Variants in FERRY3 observed in about 807,000 individuals in gnomAD.
FERRY3 encodes the protein FERRY endosomal RAB5 effector complex subunit 3, also known as protein C12orf4.
the FERRY3 span, chr12:4,534,272 T>A: frequency 3.1e-6 from 5 of 1,611,056 alleles, no homozygotes; most frequent in Non-Finnish European, 4.2e-6. Context: ...GGATTCTTCT[T>A]CTATAAACTG....
the FERRY3 span, among the ~76,000 whole-genome samples, chr12:4,495,606 A>C: frequency 4.6e-5 from 7 of 152,254 alleles, no homozygotes; most frequent in Non-Finnish European, 1.0e-4. Flanking sequence ...AAATTAGGAT[A>C]CTAATGGTAA....
At chr12:4,500,242 G>A in the FERRY3 span, 7 of 1,613,824 alleles carry the variant, frequency 4.3e-6, no homozygotes, top group South Asian at 1.1e-5. Context: ...GCAGGATCAC[G>A]AGCAGTGATG....
chr12:4,524,922 T>G, the FERRY3 span: 1 of 178,994 alleles, frequency 5.6e-6, no homozygotes, highest in South Asian at 1.6e-4. Flanking sequence ...TTTTTTTGTT[T>G]GTTTTTCTGC....
the FERRY3 span, chr12:4,525,663 T>G: frequency 8.9e-6 from 9 of 1,013,224 alleles, no homozygotes; most frequent in Non-Finnish European, 1.2e-5. Context: ...AAACAATCTC[T>G]ATAAAGTGAA....
At chr12:4,535,305 G>A in the FERRY3 span, among the ~76,000 whole-genome samples, 6 of 152,210 alleles carry the variant, frequency 3.9e-5, no homozygotes, top group African/African-American at 1.4e-4. This position sits in a 1 kb window ranked among gnomAD's most constrained non-coding sequence, Gnocchi z 4.0. Context: ...GCAGAAATGG[G>A]ATGCAGCCCG....
the FERRY3 span, among the ~76,000 whole-genome samples, chr12:4,504,209 T>G: frequency 6.6e-6 from 1 of 152,210 alleles, no homozygotes; most frequent in African/African-American, 2.4e-5. Context: ...TCCCACTGAG[T>G]GACGGCGGTT....
chr12:4,517,710 C>G, the FERRY3 span, among the ~76,000 whole-genome samples: 25 of 132,282 alleles, frequency 1.9e-4, no homozygotes, highest in South Asian at 4.9e-4. Flanking sequence ...TATATATAGA[C>G]AGAGAGAGAG....
the FERRY3 span, among the ~76,000 whole-genome samples, chr12:4,532,341 T>C: frequency 6.6e-6 from 1 of 152,108 alleles, no homozygotes. Flanking sequence ...ATAAACGCTG[T>C]CCTATAAAAT....
chr12:4,517,185 A>G, the FERRY3 span: 3 of 1,543,386 alleles, frequency 1.9e-6, no homozygotes, highest in South Asian at 2.6e-5. Flanking sequence ...AAACTGTGGC[A>G]AAATCTAAGG....
chr12:4,518,707 AT>A, the FERRY3 span: 11 of 956,024 alleles, frequency 1.2e-5, no homozygotes, highest in African/African-American at 6.9e-5. Context: ...TTTTAAAAAA[AT>A]AATAATTAAA....
At chr12:4,519,686 G>A in the FERRY3 span, among the ~76,000 whole-genome samples, 27 of 152,106 alleles carry the variant, frequency 1.8e-4, no homozygotes, top group Non-Finnish European at 2.5e-4. The surrounding 1 kb of genome is among the most constrained non-coding windows in gnomAD (Gnocchi z 4.3). Flanking sequence ...GTTAGGAACC[G>A]GGCCGCACAG....
the FERRY3 span, among the ~76,000 whole-genome samples, chr12:4,537,439 T>TAG: frequency 6.6e-6 from 1 of 152,200 alleles, no homozygotes; most frequent in African/African-American, 2.4e-5. Context: ...TTCCATGTAT[T>TAG]AGGCAGGATG....
the FERRY3 span, among the ~76,000 whole-genome samples, chr12:4,513,814 C>T: frequency 6.2e-3 from 947 of 152,150 alleles, 7 homozygotes; most frequent in African/African-American, 0.021. Flanking sequence ...TAGGCATTAC[C>T]ATTCAGGACA....
At chr12:4,514,222 A>G in the FERRY3 span, among the ~76,000 whole-genome samples, 1 of 150,086 alleles carries the variant, frequency 6.7e-6, no homozygotes, top group South Asian at 2.1e-4. Flanking sequence ...TTAAAATGGC[A>G]ATCATTAAAA....
At chr12:4,535,863 A>G in the FERRY3 span, among the ~76,000 whole-genome samples, 1 of 152,186 alleles carries the variant, frequency 6.6e-6, no homozygotes, top group African/African-American at 2.4e-5. The surrounding 1 kb of genome is among the most constrained non-coding windows in gnomAD (Gnocchi z 4.0). Flanking sequence ...AATAAAAGAA[A>G]GCTCTGGAGA....
the FERRY3 span, among the ~76,000 whole-genome samples, chr12:4,491,708 G>C: frequency 2.0e-5 from 3 of 152,122 alleles, no homozygotes; most frequent in African/African-American, 7.2e-5. Flanking sequence ...CTAATCTTCA[G>C]TCAAATATGG....
chr12:4,509,687 C>G, the FERRY3 span, among the ~76,000 whole-genome samples: 1 of 142,898 alleles, frequency 7.0e-6, no homozygotes, highest in African/African-American at 2.8e-5. Context: ...AGCTGAGGGT[C>G]CTGTCTGTTA....
At chr12:4,518,122 T>G in the FERRY3 span, 2 of 1,612,876 alleles carry the variant, frequency 1.2e-6, no homozygotes, top group African/African-American at 1.3e-5. Context: ...CACAGAGAGA[T>G]GTAGAATAAA....
the FERRY3 span, among the ~76,000 whole-genome samples, chr12:4,516,333 T>C: frequency 6.6e-4 from 101 of 152,204 alleles, no homozygotes; most frequent in African/African-American, 2.4e-3. Flanking sequence ...AAAAGAAAAT[T>C]AGGCACAGAG....
Sources: gnomAD v4.1 joint callset for allele counts (sites outside exome capture counted in the v4.1 genomes callset) on GRCh38, gnomAD v4.1.1 for gene constraint, Gnocchi (gnomAD v3.1) non-coding constraint, MANE v1.5 for transcripts, NCBI Gene and HGNC (gene_info 2026-07-23, HGNC 2026-07-21) for gene names.